CHRDL1: variants seen among roughly 807,000 people sequenced by gnomAD.
CHRDL1 encodes chordin-like protein 1.
In CHRDL1, 19 loss-of-function variants were observed where a neutral mutation model predicts 40.9. The ratio of observed to expected loss-of-function variants is 0.46; its 90% CI spans 0.32 to 0.68. The LOEUF (loss-of-function observed/expected upper bound fraction) is 0.68. Among genes scored for constraint, CHRDL1 ranks in the 30% least tolerant of loss-of-function variants. The probability of loss-of-function intolerance (pLI) is 0.03; values close to 1 mark genes in which losing one functional copy is unlikely to be tolerated. For synonymous variants in CHRDL1, 136 were observed against 123.4 expected, an observed-to-expected ratio of 1.10 and a Z score of -0.68; for missense variants, 329 against 352.1, an observed-to-expected ratio of 0.93 and a Z score of 0.53.
intron 6 of CHRDL1, among the ~76,000 whole-genome samples, chrX:110,707,649 T>C (rs1206891961): frequency 8.9e-6 from 1 of 111,863 alleles, no homozygotes; most frequent in Non-Finnish European, 1.9e-5. Context: ...TAACTCAAGA[T>C]GGATTAAAGG....
intron 2 of CHRDL1, 140 bp downstream of exon 2, chrX:110,791,948 A>G (rs2090108900): frequency 2.3e-6 from 1 of 439,621 alleles, no homozygotes; most frequent in Non-Finnish European, 3.9e-6. Context: ...CAATTCATGC[A>G]TAAACCAGTA....
chrX:110,777,652 C>G (rs957314478), intron 2 of CHRDL1, among the ~76,000 whole-genome samples: 1 of 111,402 alleles, frequency 9.0e-6, no homozygotes, highest in Non-Finnish European at 1.9e-5. Context: ...TGTATACATT[C>G]TTGGGTGAGG....
intron 2 of CHRDL1, among the ~76,000 whole-genome samples, chrX:110,777,326 T>A (rs1288855236): frequency 2.6e-5 from 2 of 76,996 alleles, no homozygotes; most frequent in South Asian, 1.8e-3. Flanking sequence ...CAGGTTTTTG[T>A]GGGACATACA....
chrX:110,707,645 A>G (rs1374908057), intron 6 of CHRDL1, among the ~76,000 whole-genome samples: 1 of 112,125 alleles, frequency 8.9e-6, no homozygotes, highest in East Asian at 2.8e-4. Context: ...GAATTAACTC[A>G]AGATGGATTA....
Position 110,759,620 on chromosome X carries a change from G to A in CHRDL1, c.301+41C>T, listed in dbSNP as rs199745567. ...AGTTGAGTTGGGTGAAGAGGGAAAT[G>A]GAGAACCACAGCTAGGAAAGAAAGA... On this transcript the variant is annotated intron_variant, in intron 4 of 11. Transcript: ENST00000372042. The A allele has an allele frequency of 1.4e-5, 13 of 934,194 alleles. No homozygotes were observed. In the South Asian group the frequency reaches 2.5e-4, roughly 18 times the overall value. 77.0% of individuals were successfully genotyped at this position (934,194 alleles called of 1,213,427 possible). A position where few individuals can be genotyped will look rare whatever the true frequency, so the allele number is the denominator to read the frequency against.
chrX:110,765,317 C>T (rs765276962), intron 2 of CHRDL1, among the ~76,000 whole-genome samples: 8 of 111,842 alleles, frequency 7.2e-5, no homozygotes, highest in African/African-American at 1.6e-4. Flanking sequence ...ATTTCTTAGC[C>T]GGTTGACATT....
intron 4 of CHRDL1, among the ~76,000 whole-genome samples, chrX:110,744,853 A>G (rs536382149): frequency 9.1e-6 from 1 of 110,341 alleles, no homozygotes; most frequent in South Asian, 4.0e-4. Flanking sequence ...AGGGTATACT[A>G]TGGGCAGGGC....
intron 4 of CHRDL1, among the ~76,000 whole-genome samples, chrX:110,743,753 CA>C (rs759503929): frequency 2.2e-3 from 242 of 112,070 alleles, no homozygotes; most frequent in African/African-American, 7.4e-3. Flanking sequence ...AACAGCAAGA[CA>C]AGCACAAGGG....
chrX:110,721,714 TATCCATCCATCCATCCATCCATCCGTCC>T (rs1161273812), intron 4 of CHRDL1, among the ~76,000 whole-genome samples, 184 bp from the exon 5 acceptor site: 17 of 111,898 alleles, frequency 1.5e-4, no homozygotes, highest in African/African-American at 5.2e-4. Flanking sequence ...CATTATGATC[TATCCATCCATCCATCCATCCATCCGTCC>T]ATCCATCCAT....
At position 110,675,860 on chromosome X, in the gene CHRDL1, A is replaced by G. The variant is rs112811787; in HGVS notation, c.*371T>C. The G allele has an allele frequency of 9.7e-4, 130 of 133,824 alleles. 1 individual carries two copies. Among genetic ancestry groups the G allele is most frequent in the Middle Eastern group, 8.7e-3 (3 of 344 alleles). The allele number at this position is 133,824 out of a possible 1,213,427, so 11.0% of individuals were successfully genotyped here. A position where few individuals can be genotyped will look rare whatever the true frequency, so the allele number is the denominator to read the frequency against. On this transcript the variant is annotated 3_prime_UTR_variant, in exon 12 of 12. Transcript: ENST00000372042. ...CATACAAGTAATTGTTCTATACTGC[A>G]GAACTCCTACTAAGCAATTCCCTTC...
chrX:110,751,976 T>A (rs1294620276), intron 4 of CHRDL1, among the ~76,000 whole-genome samples: 1 of 112,203 alleles, frequency 8.9e-6, no homozygotes, highest in Non-Finnish European at 1.9e-5. Context: ...CACAGCAACA[T>A]GAATGAGACT....
At chrX:110,737,372 A>G (rs1333447509) in intron 4 of CHRDL1, among the ~76,000 whole-genome samples, 1 of 111,748 alleles carries the variant, frequency 8.9e-6, no homozygotes, top group Non-Finnish European at 1.9e-5. Context: ...GCAGAACCTA[A>G]AAATAGTGTC....
At chrX:110,755,035 A>C (rs779982366) in intron 4 of CHRDL1, among the ~76,000 whole-genome samples, 1 of 110,771 alleles carries the variant, frequency 9.0e-6, no homozygotes, top group East Asian at 2.8e-4. Context: ...TTTCCCTTCC[A>C]GCATTACCAC....
intron 4 of CHRDL1, among the ~76,000 whole-genome samples, chrX:110,744,775 C>G (rs1015782332): frequency 9.9e-5 from 11 of 111,046 alleles, no homozygotes; most frequent in African/African-American, 2.9e-4. Context: ...TAAGCATGTT[C>G]CCCCTTCTCC....
At chrX:110,735,760 G>C (rs1256129557) in intron 4 of CHRDL1, among the ~76,000 whole-genome samples, 2 of 112,238 alleles carry the variant, frequency 1.8e-5, no homozygotes, top group Non-Finnish European at 3.8e-5. Flanking sequence ...TATTTTTCCT[G>C]TATATGATGA....
Position 110,676,341 on chromosome X carries a change from C to T in CHRDL1, c.1267G>A (p.Glu423Lys), listed in dbSNP as rs776899237. The change falls in exon 12 of 12, where the codon GAA becomes AAA. Residue 423 changes from glutamate (E) to lysine (K), a missense_variant. Glu to Lys is a moderately conservative substitution (Grantham distance 56, BLOSUM62 1). Transcript: ENST00000372042. ...TTLSQWKIFT[E>K]GEAQISQMCS... ...ATCTGGCTGATCTGAGCTTCTCCTT[C>T]GGTGAAGATCTTCCACTGGCCTAAA... 1.1e-5 allele frequency: 13 copies of T among 1,209,945 alleles called. No individual in the cohort carries two copies. Among genetic ancestry groups the T allele is most frequent in the Non-Finnish European group, 1.5e-5 (13 of 894,152 alleles).
chrX:110,788,832 A>T (rs1469312504), intron 2 of CHRDL1, among the ~76,000 whole-genome samples: 1 of 111,808 alleles, frequency 8.9e-6, no homozygotes, highest in African/African-American at 3.2e-5. Context: ...CCGGAGATTT[A>T]AAAAAAATTA....
intron 6 of CHRDL1, among the ~76,000 whole-genome samples, chrX:110,705,614 A>C (rs2070622310): frequency 9.5e-6 from 1 of 105,058 alleles, no homozygotes; most frequent in East Asian, 2.9e-4. Context: ...TGCTCAAAGG[A>C]AATTCTCACT....
intron 6 of CHRDL1, among the ~76,000 whole-genome samples, chrX:110,714,781 T>G (rs1050945714): frequency 8.9e-6 from 1 of 111,874 alleles, no homozygotes; most frequent in Non-Finnish European, 1.9e-5. Flanking sequence ...GGTTTGCAAG[T>G]TCAGCAGTCA....
Sources: gnomAD v4.1 joint callset for allele counts (sites outside exome capture counted in the v4.1 genomes callset) on GRCh38, gnomAD v4.1.1 for gene constraint, MANE v1.5 for transcripts, NCBI Gene and HGNC (gene_info 2026-07-23, HGNC 2026-07-21) for gene names.